Variants in DPP4 observed in about 807,000 individuals in gnomAD.
DPP4 encodes the protein ADCP-2.
DPP4 carries 93 observed loss-of-function variants against 122.4 expected under a neutral mutation model. The observed-to-expected ratio is 0.76, with a 90% CI of 0.64 to 0.90. The LOEUF (loss-of-function observed/expected upper bound fraction) is 0.90, where lower values mean the gene tolerates loss of function less well. Among genes scored for constraint, DPP4 ranks in the 40% least tolerant of loss-of-function variants. The pLI is 0.00. For missense variants in DPP4, 914 were observed against 907.3 expected (o/e 1.01, Z -0.09); for synonymous variants, 321 against 302.9 (o/e 1.06, Z -0.62).
chr2:162,019,883 A>G (rs1683060127), intron 14 of DPP4, among the ~76,000 whole-genome samples: 1 of 152,198 alleles, frequency 6.6e-6, no homozygotes, highest in Admixed American at 6.5e-5. Flanking sequence ...TGGACAGATA[A>G]AATTGCCTTT....
At chr2:162,019,367 G>T in intron 14 of DPP4, 91 bp from the exon 15 acceptor site, 1 of 884,022 alleles carries the variant, frequency 1.1e-6, no homozygotes, top group Non-Finnish European at 1.7e-6. Flanking sequence ...GCCTAAGTGT[G>T]CACGGAGCGC....
intron 12 of DPP4, 116 bp downstream of exon 12, chr2:162,022,639 G>A (rs1195192253): frequency 2.1e-6 from 2 of 948,210 alleles, no homozygotes; most frequent in Non-Finnish European, 3.4e-6. Flanking sequence ...TGAGAAATAG[G>A]TTAACTAATA....
At chr2:162,010,666 T>C (rs1453292153) in intron 20 of DPP4, among the ~76,000 whole-genome samples, 1 of 152,182 alleles carries the variant, frequency 6.6e-6, no homozygotes, top group Non-Finnish European at 1.5e-5. Context: ...TAGATACAAG[T>C]TTATTTTTAA....
Position 161,993,245 on chromosome 2 carries a change from GT to G in DPP4, c.*37del. ...TTTGAGATAATGAAAACAAAAATGA[GT>G]TTTAATAAGCTTTAAATGGCATGGT... On this transcript the variant is annotated 3_prime_UTR_variant, in exon 26 of 26. Transcript: ENST00000360534. The G allele has an allele frequency of 6.6e-7, 1 of 1,507,666 alleles. No homozygotes were observed. The highest frequency in any genetic ancestry group is 9.2e-7 in the Non-Finnish European group (1 of 1,084,072). 93.4% of individuals were successfully genotyped at this position (1,507,666 alleles called of 1,614,324 possible). A position where few individuals can be genotyped will look rare whatever the true frequency, so the allele number is the denominator to read the frequency against.
chr2:162,044,500 G>A (rs958146341), intron 5 of DPP4, among the ~76,000 whole-genome samples: 1 of 151,928 alleles, frequency 6.6e-6, no homozygotes, highest in Non-Finnish European at 1.5e-5. Flanking sequence ...GTGTTGGTGT[G>A]TGAGTGTTGG....
intron 13 of DPP4, 21 bp from the exon 14 acceptor site, chr2:162,020,317 T>TTTTAA (rs1553663376): frequency 1.7e-5 from 23 of 1,374,640 alleles, no homozygotes; most frequent in South Asian, 5.2e-5. Context: ...TTTTTTTTTT[T>TTTTAA]CAAAAAAAAA....
At position 161,993,288 on chromosome 2, in the gene DPP4, G is replaced by A. The variant is rs772538537; in HGVS notation, c.2296C>T (p.Pro766Ser). Residue 766 changes from proline to serine, a missense_variant, in exon 26 of 26, where the codon CCT becomes TCT. Transcript: ENST00000360534. ...TGGCATGGTATTTTGAGGTGCTAAG[G>A]TAAAGAGAAACATTGTTTTATGAAG... ...SHFIKQCFSL[P>S] is the part of the protein sequence containing the mutation. 2.7e-5 allele frequency: 43 copies of A among 1,609,988 alleles called. No homozygotes were observed. The highest frequency in any genetic ancestry group is 3.6e-5 in the Non-Finnish European group (42 of 1,176,386).
At chr2:162,018,430 T>G (rs1283227170) in intron 16 of DPP4, among the ~76,000 whole-genome samples, 2 of 152,198 alleles carry the variant, frequency 1.3e-5, no homozygotes, top group African/African-American at 4.8e-5. Context: ...AAGGGACGAG[T>G]GCATAAAATA....
chr2:162,054,559 T>A (rs557909397), intron 2 of DPP4, among the ~76,000 whole-genome samples: 28 of 152,290 alleles, frequency 1.8e-4, no homozygotes, highest in African/African-American at 6.0e-4. Flanking sequence ...TGGAACCATT[T>A]GAAGTGATTA....
intron 2 of DPP4, among the ~76,000 whole-genome samples, chr2:162,066,732 T>A (rs997359924): frequency 2.6e-5 from 4 of 152,190 alleles, no homozygotes; most frequent in African/African-American, 9.7e-5. Context: ...GGCATTTACA[T>A]CTGATGATGG....
At chr2:162,012,102 C>A in intron 19 of DPP4, 115 bp from the exon 20 acceptor site, 1 of 1,005,976 alleles carries the variant, frequency 9.9e-7, no homozygotes, top group Non-Finnish European at 1.4e-6. Context: ...GAGCCTTAAA[C>A]TGTGCCAGCC....
intron 18 of DPP4, among the ~76,000 whole-genome samples, chr2:162,015,550 A>G (rs1374374955): frequency 6.6e-6 from 1 of 152,110 alleles, no homozygotes; most frequent in Non-Finnish European, 1.5e-5. Flanking sequence ...TTTTAGTCCC[A>G]CTTTTTTGGA....
intron 2 of DPP4, among the ~76,000 whole-genome samples, chr2:162,050,286 T>C (rs1684337950): frequency 6.6e-6 from 1 of 152,204 alleles, no homozygotes; most frequent in South Asian, 2.1e-4. Context: ...ACACCCTAAA[T>C]TAGTGTAATT....
At chr2:162,044,982 G>A (rs1023692830) in intron 5 of DPP4, among the ~76,000 whole-genome samples, 6 of 142,304 alleles carry the variant, frequency 4.2e-5, no homozygotes, top group African/African-American at 1.6e-4. Flanking sequence ...TTTTTTTGAC[G>A]GGGTCTCACT....
Position 162,042,263 on chromosome 2 carries a change from C to T in DPP4, c.367-3079G>A, listed in dbSNP as rs562115186. On this transcript the variant is annotated intron_variant, in intron 5 of 25. Transcript: ENST00000360534. ...GATGCATGAGAATGCATGAGAAGCA[C>T]TTAGCAGGGTTCTGGAACATTGTCA... 1.5e-4 allele frequency among the ~76,000 whole-genome samples: 23 copies of T among 152,314 alleles called. No homozygotes were observed. The East Asian group carries it at 4.4e-3, about 29-fold the overall frequency.
chr2:162,043,003 C>A (rs1684038982), intron 5 of DPP4, among the ~76,000 whole-genome samples: 1 of 152,134 alleles, frequency 6.6e-6, no homozygotes, highest in Admixed American at 6.5e-5. Context: ...GATGGAGAAG[C>A]TTCCATGAGG....
chr2:162,051,450 C>G (rs1452416215), intron 2 of DPP4, among the ~76,000 whole-genome samples: 1 of 152,168 alleles, frequency 6.6e-6, no homozygotes, highest in Non-Finnish European at 1.5e-5. Flanking sequence ...CAAAAATAAA[C>G]TGTTTTGGTA....
chr2:162,055,475 T>G (rs1684538931), intron 2 of DPP4, among the ~76,000 whole-genome samples: 1 of 151,986 alleles, frequency 6.6e-6, no homozygotes, highest in Non-Finnish European at 1.5e-5. Context: ...GATGGGTGGA[T>G]TGCTTGAGCT....
intron 25 of DPP4, 83 bp from the exon 26 acceptor site, chr2:161,993,467 T>C: frequency 4.3e-6 from 4 of 926,062 alleles, no homozygotes; most frequent in South Asian, 4.2e-5. Context: ...AAATGAGCTC[T>C]CACGAGCATA....
Sources: allele counts gnomAD v4.1 joint callset (sites outside exome capture counted in the v4.1 genomes callset), GRCh38; gene constraint gnomAD v4.1.1; transcripts MANE v1.5; gene names NCBI Gene and HGNC (gene_info 2026-07-23, HGNC 2026-07-21).